The following CNTN5 variants were observed in gnomAD, a reference collection of about 807,000 sequenced individuals.
CNTN5 encodes the protein contactin 5, also known as contactin-5.
In CNTN5, 77 loss-of-function variants were observed where a neutral mutation model predicts 129.1. The ratio of observed to expected loss-of-function variants is 0.60; its 90% CI spans 0.50 to 0.72. The LOEUF is 0.72. CNTN5 is among the 30% of genes least tolerant of loss of function. CNTN5 has a pLI of 0.00. For synonymous variants in CNTN5, 509 were observed against 465.6 expected (o/e 1.09, Z -1.20); for missense variants, 1,478 against 1,328.8 (o/e 1.11, Z -1.75).
At chr11:99,245,039 T>A (rs11607090) in intron 1 of CNTN5, among the ~76,000 whole-genome samples, 13,960 of 152,278 alleles carry the variant, frequency 0.092, 712 homozygotes, top group South Asian at 0.15. Flanking sequence ...CAAGATTAGT[T>A]ATCAAAGTAA....
At chr11:99,031,121 T>C (rs921600543) in intron 1 of CNTN5, among the ~76,000 whole-genome samples, 1 of 151,970 alleles carries the variant, frequency 6.6e-6, no homozygotes, top group Non-Finnish European at 1.5e-5. Context: ...TAAAACAAAC[T>C]GAAACTGAAA....
At chr11:100,063,712 A>G (rs1212930080) in intron 10 of CNTN5, among the ~76,000 whole-genome samples, 1 of 150,870 alleles carries the variant, frequency 6.6e-6, no homozygotes. Flanking sequence ...TCTCTAAAAA[A>G]AAAAAAAAAA....
intron 2 of CNTN5, among the ~76,000 whole-genome samples, chr11:99,411,639 G>T (rs918119148): frequency 3.9e-5 from 6 of 152,098 alleles, no homozygotes; most frequent in African/African-American, 1.4e-4. Flanking sequence ...TTCCACCCAG[G>T]AGACTCTTAA....
At chr11:99,027,829 C>T (rs1863170256) in intron 1 of CNTN5, among the ~76,000 whole-genome samples, 1 of 151,548 alleles carries the variant, frequency 6.6e-6, no homozygotes. Flanking sequence ...GGAATGAATT[C>T]AAGTTTTAAG....
intron 15 of CNTN5, among the ~76,000 whole-genome samples, chr11:100,219,438 T>C (rs1406397591): frequency 6.6e-6 from 1 of 152,226 alleles, no homozygotes; most frequent in African/African-American, 2.4e-5. Context: ...ACCTTATCTA[T>C]TTCAGCCCTC....
chr11:100,342,074 A>G, intron 23 of CNTN5, among the ~76,000 whole-genome samples: 1 of 151,890 alleles, frequency 6.6e-6, no homozygotes, highest in Non-Finnish European at 1.5e-5. Context: ...GAAGTTATAA[A>G]TGGAATATTT....
chr11:100,026,172 G>A (rs1341174162), intron 9 of CNTN5, among the ~76,000 whole-genome samples: 1 of 152,084 alleles, frequency 6.6e-6, no homozygotes, highest in Non-Finnish European at 1.5e-5. Context: ...TCTCATGATA[G>A]TGAGTAAGTT....
At chr11:99,901,670 T>C (rs1431356517) in intron 6 of CNTN5, among the ~76,000 whole-genome samples, 1 of 152,196 alleles carries the variant, frequency 6.6e-6, no homozygotes, top group African/African-American at 2.4e-5. Flanking sequence ...CACTGAGATT[T>C]ATTCATTCAG....
intron 1 of CNTN5, among the ~76,000 whole-genome samples, chr11:99,238,754 A>T (rs1486720548): frequency 1.3e-5 from 2 of 152,158 alleles, no homozygotes; most frequent in Non-Finnish European, 2.9e-5. Flanking sequence ...CTATCTACAT[A>T]CAAGTGCATG....
intron 8 of CNTN5, among the ~76,000 whole-genome samples, chr11:99,978,821 G>A (rs1016899622): frequency 2.0e-5 from 3 of 152,132 alleles, no homozygotes; most frequent in Non-Finnish European, 4.4e-5. Flanking sequence ...TTCCCAAAGA[G>A]GAAAGGAAGT....
intron 3 of CNTN5, among the ~76,000 whole-genome samples, chr11:99,642,563 A>C (rs1198735579): frequency 3.9e-5 from 6 of 152,216 alleles, no homozygotes; most frequent in Admixed American, 1.3e-4. Flanking sequence ...TGAACAATTC[A>C]GGTAATTAGC....
intron 2 of CNTN5, among the ~76,000 whole-genome samples, chr11:99,521,661 T>A (rs1021432040): frequency 2.0e-5 from 3 of 152,204 alleles, no homozygotes; most frequent in Non-Finnish European, 2.9e-5. Context: ...TCCTCCTCCT[T>A]GCTCATTAAG....
At chr11:99,828,225 A>G (rs1383123984) in intron 4 of CNTN5, among the ~76,000 whole-genome samples, 3 of 152,324 alleles carry the variant, frequency 2.0e-5, no homozygotes, top group African/African-American at 7.2e-5. Flanking sequence ...AAAAAACTTT[A>G]TGAGCCTTTA....
chr11:99,796,261 A>G (rs1945934926), intron 3 of CNTN5, among the ~76,000 whole-genome samples: 1 of 152,126 alleles, frequency 6.6e-6, no homozygotes, highest in African/African-American at 2.4e-5. Flanking sequence ...TTGCACCAGC[A>G]ATGGTGGCAC....
At chr11:99,988,592 T>C (rs987667308) in intron 8 of CNTN5, among the ~76,000 whole-genome samples, 1 of 152,158 alleles carries the variant, frequency 6.6e-6, no homozygotes, top group South Asian at 2.1e-4. Flanking sequence ...AAACATGACA[T>C]GATAAGAGAA....
At chr11:99,985,080 C>T (rs903971856) in intron 8 of CNTN5, among the ~76,000 whole-genome samples, 6 of 152,198 alleles carry the variant, frequency 3.9e-5, no homozygotes, top group Admixed American at 6.5e-5. Flanking sequence ...GCTCCACTAC[C>T]CATAGAGTGC....
chr11:100,238,568 G>T lies in CNTN5; in HGVS notation c.2005+13756G>T, dbSNP rs569626406. ...GGAGGAGGGGGAAGAAGAGGAGGAG[G>T]AAGAAAGAGGAGAGGAAAAAGAAGA... On this transcript the variant is annotated intron_variant, in intron 16 of 24. Transcript: ENST00000524871. 7.3e-5 allele frequency among the ~76,000 whole-genome samples: 11 copies of T among 151,678 alleles called. No individual in the cohort carries two copies. In the South Asian group the frequency reaches 2.1e-3, roughly 29 times the overall value.
intron 2 of CNTN5, among the ~76,000 whole-genome samples, chr11:99,438,526 C>T (rs1439978500): frequency 5.9e-5 from 9 of 152,082 alleles, no homozygotes; most frequent in Admixed American, 5.9e-4. Flanking sequence ...TTTCTCCTAT[C>T]TCTTTATCTC....
intron 17 of CNTN5, among the ~76,000 whole-genome samples, chr11:100,260,086 G>A (rs186470479): frequency 0.024 from 3,627 of 152,004 alleles, 136 homozygotes; most frequent in African/African-American, 0.082. Context: ...GAATCAAATA[G>A]ACACAATAAA....
Sources: allele counts gnomAD v4.1 joint callset (sites outside exome capture counted in the v4.1 genomes callset), GRCh38; gene constraint gnomAD v4.1.1; transcripts MANE v1.5; gene names NCBI Gene and HGNC (gene_info 2026-07-23, HGNC 2026-07-21).